Variants in ADGRL4 observed in about 807,000 individuals in gnomAD.
ADGRL4 encodes the protein EGF, latrophilin and seven transmembrane domain containing 1.
ADGRL4 carries 90 observed loss-of-function variants against 74.8 expected under a neutral mutation model. The observed-to-expected ratio is 1.20, with a 90% confidence interval of 1.02 to 1.43. ADGRL4 has a LOEUF of 1.43. ADGRL4 is among the 40% of genes most tolerant of loss of function. The pLI is 0.00. For synonymous variants in ADGRL4, 311 were observed against 279.2 expected (o/e 1.11, Z -1.14); for missense variants, 881 against 814.3 (o/e 1.08, Z -1.00).
intron 12 of ADGRL4, among the ~76,000 whole-genome samples, chr1:78,906,198 A>C (rs192283388): frequency 6.6e-6 from 1 of 152,182 alleles, no homozygotes; most frequent in Admixed American, 6.6e-5. Context: ...CTTGTCTATT[A>C]GGAAATTAAT....
chr1:78,984,036 A>G (rs1181527156), intron 2 of ADGRL4, among the ~76,000 whole-genome samples: 1 of 151,774 alleles, frequency 6.6e-6, no homozygotes, highest in Non-Finnish European at 1.5e-5. Context: ...TGACAAGAAG[A>G]AACAAATATC....
chr1:78,959,322 C>T (rs1010200012), intron 2 of ADGRL4, among the ~76,000 whole-genome samples: 1 of 152,100 alleles, frequency 6.6e-6, no homozygotes, highest in African/African-American at 2.4e-5. Flanking sequence ...AAAATGAAAG[C>T]CCAATTATCA....
At chr1:78,929,382 G>T (rs1649193278) in intron 7 of ADGRL4, among the ~76,000 whole-genome samples, 1 of 151,220 alleles carries the variant, frequency 6.6e-6, no homozygotes, top group Non-Finnish European at 1.5e-5. Context: ...CAGCATGGTG[G>T]TATGTTTCTT....
chr1:78,981,366 T>C (rs1346190118), intron 2 of ADGRL4, among the ~76,000 whole-genome samples: 1 of 152,040 alleles, frequency 6.6e-6, no homozygotes, highest in Non-Finnish European at 1.5e-5. Context: ...ACCATGACTT[T>C]ATCATGCCCA....
At chr1:78,934,297 AG>A (rs1350843254) in intron 7 of ADGRL4, among the ~76,000 whole-genome samples, 2 of 152,076 alleles carry the variant, frequency 1.3e-5, no homozygotes, top group African/African-American at 4.8e-5. Context: ...AAACAAGCAA[AG>A]GGGAAAGGAT....
At chr1:78,923,975 C>A (rs1156311158) in intron 8 of ADGRL4, among the ~76,000 whole-genome samples, 3 of 151,544 alleles carry the variant, frequency 2.0e-5, no homozygotes, top group Non-Finnish European at 1.5e-5. Flanking sequence ...AAAAGACTCA[C>A]AAAATGTTTA....
chr1:78,915,043 C>A (rs1648842692), intron 12 of ADGRL4, among the ~76,000 whole-genome samples: 1 of 151,824 alleles, frequency 6.6e-6, no homozygotes, highest in Non-Finnish European at 1.5e-5. Flanking sequence ...CCATTCAACC[C>A]ATTCTCTTCA....
chr1:78,907,988 C>T (rs1219847834), intron 12 of ADGRL4, among the ~76,000 whole-genome samples: 1 of 151,986 alleles, frequency 6.6e-6, no homozygotes, highest in East Asian at 1.9e-4. Flanking sequence ...TGAAACTAGA[C>T]TGCACAATGT....
At chr1:78,959,996 C>T (rs1223963593) in intron 2 of ADGRL4, among the ~76,000 whole-genome samples, 3 of 152,060 alleles carry the variant, frequency 2.0e-5, no homozygotes, top group South Asian at 2.1e-4. Context: ...TAAAAGTGTA[C>T]GCCATTCAAA....
At chr1:78,933,472 C>A (rs1342232395) in intron 7 of ADGRL4, among the ~76,000 whole-genome samples, 1 of 151,422 alleles carries the variant, frequency 6.6e-6, no homozygotes, top group Non-Finnish European at 1.5e-5. Context: ...CAGCCAATAT[C>A]ATATTGAATG....
At chr1:78,925,324 C>T (rs1649088596) in intron 8 of ADGRL4, among the ~76,000 whole-genome samples, 1 of 152,114 alleles carries the variant, frequency 6.6e-6, no homozygotes, top group South Asian at 2.1e-4. Context: ...CCTCATATGG[C>T]TTTTCTAAGC....
chr1:78,989,663 T>G (rs188080779), intron 2 of ADGRL4, among the ~76,000 whole-genome samples: 72 of 151,906 alleles, frequency 4.7e-4, no homozygotes, highest in African/African-American at 1.7e-3. Flanking sequence ...ATCAGAATCT[T>G]GCAGCCTAGA....
chr1:78,911,631 ACAC>A (rs1648765385), intron 12 of ADGRL4, among the ~76,000 whole-genome samples: 1 of 151,184 alleles, frequency 6.6e-6, no homozygotes, highest in South Asian at 2.1e-4. Flanking sequence ...ACACACACAC[ACAC>A]ACACACTATA....
At chr1:78,955,088 T>C (rs986373352) in intron 2 of ADGRL4, among the ~76,000 whole-genome samples, 2 of 151,980 alleles carry the variant, frequency 1.3e-5, no homozygotes, top group Non-Finnish European at 2.9e-5. Context: ...ATGTAAGAGA[T>C]GTGCATATTT....
At chr1:78,997,395 T>C (rs983292095) in intron 2 of ADGRL4, among the ~76,000 whole-genome samples, 65 of 152,192 alleles carry the variant, frequency 4.3e-4, no homozygotes, top group African/African-American at 1.5e-3. Flanking sequence ...TTTTAGGCAC[T>C]GGCTTGCATT....
intron 12 of ADGRL4, among the ~76,000 whole-genome samples, chr1:78,904,807 AG>A (rs958616985): frequency 2.0e-5 from 3 of 152,078 alleles, no homozygotes; most frequent in African/African-American, 7.2e-5. Context: ...CTTATCTCAC[AG>A]GTTGTTTGTG....
rs552481994 is a variant in ADGRL4 at position 78,926,993 on chromosome 1, C to T, written c.976G>A (p.Glu326Lys). The change falls in exon 8 of 15, where the codon GAA becomes AAA. Residue 326 changes from glutamate to lysine, a missense_variant. By Grantham distance (56) the Glu-to-Lys change is moderately conservative. Transcript: ENST00000370742. ...LLKPQNYDNSEEEERVISSVI... is the reference protein window; with the variant it reads ...LLKPQNYDNSKEEERVISSVI... ...GAAGATATGACTCTTTCCTCCTCTT[C>T]AGAATTATCATAATTTTGAGGTTTC... 3 of 1,611,366 alleles carry T rather than the reference C, an allele frequency of 1.9e-6. No individual in the cohort carries two copies. Among genetic ancestry groups the T allele is most frequent in the East Asian group, 4.5e-5 (2 of 44,664 alleles).
At chr1:78,902,893 G>C (rs1206567279) in intron 12 of ADGRL4, among the ~76,000 whole-genome samples, 1 of 151,818 alleles carries the variant, frequency 6.6e-6, no homozygotes, top group African/African-American at 2.4e-5. Flanking sequence ...AAAGAATGTG[G>C]TAATTTTTCC....
At chr1:78,940,143 T>G (rs1022515009) in intron 3 of ADGRL4, among the ~76,000 whole-genome samples, 11 of 152,152 alleles carry the variant, frequency 7.2e-5, no homozygotes, top group African/African-American at 2.2e-4. Context: ...GAAACACATT[T>G]AAACTTATTT....
Sources: gnomAD v4.1 joint callset for allele counts (sites outside exome capture counted in the v4.1 genomes callset) on GRCh38, gnomAD v4.1.1 for gene constraint, MANE v1.5 for transcripts, NCBI Gene and HGNC (gene_info 2026-07-23, HGNC 2026-07-21) for gene names.